ASTN2: variants seen among roughly 807,000 people sequenced by gnomAD.
ASTN2 encodes the protein astrotactin-2.
In ASTN2, 54 loss-of-function variants were observed where a neutral mutation model predicts 139.8. That is an observed-to-expected ratio of 0.39 (90% CI 0.31 to 0.48). ASTN2 has a LOEUF of 0.48. Among genes scored for constraint, ASTN2 ranks in the 20% least tolerant of loss-of-function variants. The probability of loss-of-function intolerance (pLI) is 0.95; values close to 1 mark genes in which losing one functional copy is unlikely to be tolerated. For synonymous variants in ASTN2, 756 were observed against 719.5 expected (o/e 1.05, Z -0.81); for missense variants, 1,565 against 1,725.1 (o/e 0.91, Z 1.64).
intron 2 of ASTN2, among the ~76,000 whole-genome samples, chr9:117,218,899 C>T (rs1189058958): frequency 6.6e-6 from 1 of 152,150 alleles, no homozygotes; most frequent in Non-Finnish European, 1.5e-5. Flanking sequence ...TCATAGACTT[C>T]TTTATCAAGG....
chr9:117,203,565 T>G (rs1409219196), intron 3 of ASTN2, among the ~76,000 whole-genome samples: 1 of 152,118 alleles, frequency 6.6e-6, no homozygotes, highest in African/African-American at 2.4e-5. Context: ...ATGATGCTGT[T>G]GTTGCTTTCT....
At chr9:116,693,168 T>C (rs1188864025) in intron 16 of ASTN2, among the ~76,000 whole-genome samples, 1 of 152,240 alleles carries the variant, frequency 6.6e-6, no homozygotes, top group African/African-American at 2.4e-5. Flanking sequence ...CATCCTTTTA[T>C]TGTACACCTA....
intron 11 of ASTN2, among the ~76,000 whole-genome samples, chr9:116,851,251 A>G (rs1315779735): frequency 6.6e-6 from 1 of 152,178 alleles, no homozygotes; most frequent in African/African-American, 2.4e-5. Flanking sequence ...TGATTAGCAT[A>G]AAAGACAGGG....
chr9:116,770,677 T>C (rs1262138591), intron 13 of ASTN2, among the ~76,000 whole-genome samples: 1 of 152,200 alleles, frequency 6.6e-6, no homozygotes, highest in Non-Finnish European at 1.5e-5. Flanking sequence ...GGAAGCTTCT[T>C]TCCAGTACTC....
At chr9:117,266,990 A>C (rs765569685) in intron 2 of ASTN2, among the ~76,000 whole-genome samples, 3 of 152,182 alleles carry the variant, frequency 2.0e-5, no homozygotes, top group Non-Finnish European at 4.4e-5. Flanking sequence ...AAAGAGAGAA[A>C]CAGTAACTTG....
At chr9:116,632,205 A>AAAGAAAGAAAGAAAGAAAGAAAG (rs767242462) in intron 17 of ASTN2, among the ~76,000 whole-genome samples, 12 of 45,304 alleles carry the variant, frequency 2.6e-4, no homozygotes, top group South Asian at 8.0e-4. Context: ...AGAAAGAAAG[A>AAAGAAAGAAAGAAAGAAAGAAAG]AAAGAAAGAA....
chr9:116,636,668 T>C (rs1428453287), intron 17 of ASTN2, among the ~76,000 whole-genome samples: 5 of 151,782 alleles, frequency 3.3e-5, no homozygotes, highest in Admixed American at 3.3e-4. Context: ...AGAGTGAGAC[T>C]TCATCTCAAA....
chr9:117,414,095 G>C lies in ASTN2; in HGVS notation c.442+402C>G, dbSNP rs552660972. Among the ~76,000 whole-genome samples, 1 of 152,008 alleles carries C rather than the reference G, an allele frequency of 6.6e-6. No homozygotes were observed. The highest frequency in any genetic ancestry group is 2.4e-5 in the African/African-American group (1 of 41,396). On this transcript the variant is annotated intron_variant, in intron 1 of 22. Transcript: ENST00000313400. This position sits in a 1 kb window ranked among gnomAD's most constrained non-coding sequence, Gnocchi z 4.2. ...GCGAGAGCGAGGGGGCGGTGACGGCGGGTGGCCAGTGACGGTACCCGGAGA... is the reference window on the plus strand; with the variant it reads ...GCGAGAGCGAGGGGGCGGTGACGGCCGGTGGCCAGTGACGGTACCCGGAGA...
At chr9:117,358,293 C>T (rs1419528509) in intron 1 of ASTN2, among the ~76,000 whole-genome samples, 1 of 150,576 alleles carries the variant, frequency 6.6e-6, no homozygotes, top group Non-Finnish European at 1.5e-5. Flanking sequence ...CACACACACA[C>T]ACATACACAT....
chr9:116,450,258 T>C (rs1848134334), intron 20 of ASTN2, among the ~76,000 whole-genome samples: 2 of 152,192 alleles, frequency 1.3e-5, no homozygotes, highest in South Asian at 4.1e-4. Flanking sequence ...AATCACGTAA[T>C]TGTGACAGAA....
At chr9:117,144,645 G>A (rs190224404) in intron 3 of ASTN2, among the ~76,000 whole-genome samples, 4 of 136,630 alleles carry the variant, frequency 2.9e-5, no homozygotes, top group South Asian at 2.4e-4. Context: ...TGACATTTGA[G>A]AGGAGTGAAC....
chr9:116,436,924 T>C (rs1044715088), intron 22 of ASTN2, among the ~76,000 whole-genome samples: 2 of 151,682 alleles, frequency 1.3e-5, no homozygotes, highest in East Asian at 1.9e-4. Flanking sequence ...ATGGATGAAA[T>C]TGGAAATCAT....
chr9:117,160,368 T>C (rs1329316521), intron 3 of ASTN2, among the ~76,000 whole-genome samples: 1 of 151,540 alleles, frequency 6.6e-6, no homozygotes, highest in African/African-American at 2.4e-5. Flanking sequence ...TCATTGTCAC[T>C]TTTCCCATCC....
intron 13 of ASTN2, among the ~76,000 whole-genome samples, chr9:116,770,102 T>G: frequency 1.1e-5 from 1 of 91,928 alleles, no homozygotes; most frequent in East Asian, 8.9e-4. Context: ...GCTCTGAGAG[T>G]TAAAAAAAAA....
At chr9:117,156,688 T>G (rs1309652367) in intron 3 of ASTN2, among the ~76,000 whole-genome samples, 1 of 152,018 alleles carries the variant, frequency 6.6e-6, no homozygotes, top group Admixed American at 6.6e-5. Flanking sequence ...GACATCACTT[T>G]GCAAAAATGA....
At chr9:116,426,979 T>C (rs991922951) in intron 22 of ASTN2, among the ~76,000 whole-genome samples, 2 of 152,120 alleles carry the variant, frequency 1.3e-5, no homozygotes, top group Admixed American at 6.5e-5. Context: ...CAAGAATTAT[T>C]CCGTACTATG....
chr9:116,424,743 T>C lies in ASTN2; in HGVS notation c.*1108A>G, dbSNP rs1454160227. On this transcript the variant is annotated 3_prime_UTR_variant, in exon 23 of 23. Coordinates refer to ENST00000313400, the MANE Select transcript of ASTN2 (RefSeq NM_001365068.1). ...ATTACAGGCACGTGCCACCATGCCC[T>C]GCTATTTTTTATTTTTTGTATTGTT... Among the ~76,000 whole-genome samples the C allele has an allele frequency of 1.3e-5, 2 of 151,958 alleles. No individual in the cohort carries two copies. The highest frequency in any genetic ancestry group is 6.6e-5 in the Admixed American group (1 of 15,260).
At chr9:116,740,262 T>C (rs532046639) in intron 13 of ASTN2, among the ~76,000 whole-genome samples, 1 of 152,342 alleles carries the variant, frequency 6.6e-6, no homozygotes, top group African/African-American at 2.4e-5. Flanking sequence ...TTTTCCCCAG[T>C]TGAAATACAT....
intron 10 of ASTN2, among the ~76,000 whole-genome samples, chr9:116,879,839 A>T (rs1372302828): frequency 6.6e-6 from 1 of 152,222 alleles, no homozygotes; most frequent in Non-Finnish European, 1.5e-5. Flanking sequence ...GAGAACAGGG[A>T]TTCTTAACTT....
Sources: gnomAD v4.1 joint callset for allele counts (sites outside exome capture counted in the v4.1 genomes callset) on GRCh38, gnomAD v4.1.1 for gene constraint, Gnocchi (gnomAD v3.1) non-coding constraint, MANE v1.5 for transcripts, NCBI Gene and HGNC (gene_info 2026-07-23, HGNC 2026-07-21) for gene names.